The following KMT2E variants were observed in gnomAD, a reference collection of about 807,000 sequenced individuals.
The protein encoded by KMT2E is histone reader KMT2E.
In KMT2E, 30 loss-of-function variants were observed where a neutral mutation model predicts 184.6. That is an observed-to-expected ratio of 0.16 (90% CI 0.12 to 0.22). KMT2E has a LOEUF of 0.22. KMT2E is among the 10% of genes least tolerant of loss of function. The probability of loss-of-function intolerance (pLI) is 1.00; values close to 1 mark genes in which losing one functional copy is unlikely to be tolerated. For synonymous variants in KMT2E, 815 were observed against 776.5 expected, an observed-to-expected ratio of 1.05 and a Z score of -0.82; for missense variants, 2,023 against 2,237.4, an observed-to-expected ratio of 0.90 and a Z score of 1.93.
intron 3 of KMT2E, among the ~76,000 whole-genome samples, chr7:105,041,533 C>T (rs181261069): frequency 6.6e-6 from 1 of 152,224 alleles, no homozygotes; most frequent in East Asian, 1.9e-4. Context: ...TCCCGAGTAG[C>T]TGTATTACAG....
intron 5 of KMT2E, among the ~76,000 whole-genome samples, chr7:105,065,491 C>G (rs978352612): frequency 2.6e-5 from 4 of 152,106 alleles, no homozygotes; most frequent in Admixed American, 6.5e-5. Context: ...CCTCCTTTCC[C>G]TGGGGTATAT....
intron 5 of KMT2E, 48 bp downstream of exon 5, chr7:105,063,628 C>T: frequency 7.9e-7 from 1 of 1,261,586 alleles, no homozygotes; most frequent in African/African-American, 1.5e-5. Context: ...TGCTGATAAC[C>T]TTTGGTAATG....
At chr7:105,089,927 G>T in intron 13 of KMT2E, 82 bp from the exon 14 acceptor site, 1 of 1,545,674 alleles carries the variant, frequency 6.5e-7, no homozygotes, top group Non-Finnish European at 8.7e-7. Context: ...CAATTTTGTG[G>T]AGTTGCAGCT....
At chr7:105,021,999 A>T (rs1584686581) in intron 1 of KMT2E, among the ~76,000 whole-genome samples, 2 of 152,198 alleles carry the variant, frequency 1.3e-5, no homozygotes, top group African/African-American at 2.4e-5. Context: ...TGTTTGCTTT[A>T]TTATTCTCTT....
chr7:105,071,582 G>GTATATA (rs1554392567), intron 6 of KMT2E, among the ~76,000 whole-genome samples: 71 of 34,932 alleles, frequency 2.0e-3, no homozygotes, highest in Non-Finnish European at 2.2e-3. Context: ...ATGTGTGTGT[G>GTATATA]TATATATATA....
chr7:105,066,711 C>T lies in KMT2E; in HGVS notation c.417-16C>T. 6 of 1,234,654 alleles carry T rather than the reference C, an allele frequency of 4.9e-6. No individual in the cohort carries two copies. Among genetic ancestry groups the T allele is most frequent in the East Asian group, 2.8e-5 (1 of 35,974 alleles). 76.5% of individuals were successfully genotyped at this position (1,234,654 alleles called of 1,614,324 possible). ...CTTAAATAATATTACATATGTTCTG[C>T]TTTTTTTTTTTTAAGCGTTTGGCAA... On this transcript the variant is annotated splice_polypyrimidine_tract_variant and intron_variant, in intron 5 of 26. Coordinates refer to ENST00000311117, the MANE Select transcript of KMT2E (RefSeq NM_182931.3).
Position 105,105,424 on chromosome 7 carries a change from T to C in KMT2E, c.2197-15T>C. 6.4e-7 allele frequency: 1 copy of C among 1,553,290 alleles called. No homozygotes were observed. Among genetic ancestry groups the C allele is most frequent in the Admixed American group, 2.2e-5 (1 of 46,132 alleles). Reference sequence around the variant, plus strand: ...AATTACATATATAATGATCCAATTTTTTTCTTTTCTCTAGCACTTGGTTAA... The same window carrying C: ...AATTACATATATAATGATCCAATTTCTTTCTTTTCTCTAGCACTTGGTTAA... On this transcript the variant is annotated splice_polypyrimidine_tract_variant and intron_variant, in intron 17 of 26. Transcript: ENST00000311117.
intron 3 of KMT2E, among the ~76,000 whole-genome samples, chr7:105,046,944 C>T (rs1796132593): frequency 3.3e-5 from 5 of 152,128 alleles, no homozygotes; most frequent in Admixed American, 2.6e-4. Context: ...TCACAGGATC[C>T]AGAATGTAGT....
intron 2 of KMT2E, among the ~76,000 whole-genome samples, chr7:105,040,338 A>G (rs1328313071): frequency 6.6e-6 from 1 of 152,158 alleles, no homozygotes; most frequent in Non-Finnish European, 1.5e-5. Flanking sequence ...ATAATAGACA[A>G]TTACACAGTG....
intron 1 of KMT2E, among the ~76,000 whole-genome samples, chr7:105,030,255 C>T (rs145012023): frequency 6.6e-6 from 1 of 152,270 alleles, no homozygotes; most frequent in African/African-American, 2.4e-5. Flanking sequence ...GGTGAGGAAA[C>T]AGCCCTTAGG....
intron 1 of KMT2E, among the ~76,000 whole-genome samples, chr7:105,032,073 C>CAAAAAAA (rs869308527): frequency 5.2e-5 from 4 of 77,266 alleles, no homozygotes; most frequent in African/African-American, 1.0e-4. Context: ...ACTCTTATCA[C>CAAAAAAA]AAAAAAAAAA....
chr7:105,106,108 A>G, intron 19 of KMT2E, 105 bp downstream of exon 19: 1 of 1,141,928 alleles, frequency 8.8e-7, no homozygotes, highest in South Asian at 1.6e-5. Flanking sequence ...TTAGAAGAGA[A>G]GCACATTGGT....
At chr7:105,091,597 T>C in intron 15 of KMT2E, 4 of 520,810 alleles carry the variant, frequency 7.7e-6, no homozygotes, top group Non-Finnish European at 1.3e-5. Context: ...TTAATAAATT[T>C]TAATGCCACA....
At chr7:105,018,594 CTT>C (rs943401488) in intron 1 of KMT2E, among the ~76,000 whole-genome samples, 10 of 152,016 alleles carry the variant, frequency 6.6e-5, no homozygotes, top group African/African-American at 1.2e-4. Context: ...ATCTATGAGA[CTT>C]TTTAATATTG....
chr7:105,024,704 G>A (rs1045874584), intron 1 of KMT2E, among the ~76,000 whole-genome samples: 3 of 152,128 alleles, frequency 2.0e-5, no homozygotes, highest in Non-Finnish European at 4.4e-5. Context: ...TCCCAAGGTC[G>A]TAAAGTTACA....
intron 12 of KMT2E, among the ~76,000 whole-genome samples, chr7:105,080,593 T>G (rs2129568318): frequency 6.6e-6 from 1 of 152,320 alleles, no homozygotes; most frequent in South Asian, 2.1e-4. Context: ...CTTACTAGCT[T>G]TTTAACCTCA....
intron 20 of KMT2E, 27 bp from the exon 21 acceptor site, chr7:105,107,139 C>T (rs1798936811): frequency 8.1e-7 from 1 of 1,242,230 alleles, no homozygotes; most frequent in Admixed American, 2.4e-5. Context: ...TTTAAATTTT[C>T]AATTCTAATT....
intron 1 of KMT2E, among the ~76,000 whole-genome samples, chr7:105,018,165 T>C (rs2129563806): frequency 6.6e-6 from 1 of 152,340 alleles, no homozygotes; most frequent in East Asian, 1.9e-4. Context: ...TGTGGTTTAA[T>C]TTTTAAAGGT....
chr7:105,084,494 GCGGGCCCCTGTAATCCCAGCTACT>G (rs1797883459), intron 13 of KMT2E, among the ~76,000 whole-genome samples: 2 of 152,028 alleles, frequency 1.3e-5, no homozygotes, highest in African/African-American at 4.8e-5. Context: ...GGGCGTGGTG[GCGGGCCCCTGTAATCCCAGCTACT>G]CGGGAGGCTG....
Sources: allele counts gnomAD v4.1 joint callset (sites outside exome capture counted in the v4.1 genomes callset), GRCh38; gene constraint gnomAD v4.1.1; transcripts MANE v1.5; gene names NCBI Gene and HGNC (gene_info 2026-07-23, HGNC 2026-07-21).